The following MAST2 variants were observed in gnomAD, a reference collection of about 807,000 sequenced individuals.
MAST2 encodes the protein microtubule associated serine/threonine kinase 2.
MAST2 carries 70 observed loss-of-function variants against 147.4 expected under a neutral mutation model. The observed-to-expected ratio is 0.47, with a 90% confidence interval of 0.39 to 0.58. MAST2 has a LOEUF of 0.58. Ranked by LOEUF, MAST2 falls within the 20% of genes least tolerant of loss-of-function variation. The probability of loss-of-function intolerance (pLI) is 0.00; values close to 1 mark genes in which losing one functional copy is unlikely to be tolerated. For missense variants in MAST2, 2,080 were observed against 2,302.3 expected (o/e 0.90, Z 1.98); for synonymous variants, 869 against 896.8 (o/e 0.97, Z 0.55).
At position 45,959,289 on chromosome 1, in the gene MAST2, G is replaced by A. The variant is rs541643416; in HGVS notation, c.501-97G>A. 93 of 860,866 alleles carry A rather than the reference G, an allele frequency of 1.1e-4. 2 individuals are homozygous for A. Among genetic ancestry groups the A allele is most frequent in the African/African-American group, 8.9e-4 (54 of 60,388 alleles). 53.3% of individuals were successfully genotyped at this position (860,866 alleles called of 1,614,324 possible). On this transcript the variant is annotated intron_variant, in intron 4 of 28. Transcript: ENST00000361297. Reference sequence around the variant, plus strand: ...TTTAAAGAAGTATACTGTGCGGCCCGTGGAATGGTGTCCCTCTTTAGTTCC... The same window carrying A: ...TTTAAAGAAGTATACTGTGCGGCCCATGGAATGGTGTCCCTCTTTAGTTCC...
intron 3 of MAST2, among the ~76,000 whole-genome samples, chr1:45,830,341 G>C (rs189218948): frequency 6.6e-6 from 1 of 150,530 alleles, no homozygotes; most frequent in Non-Finnish European, 1.5e-5. Flanking sequence ...TACCCCGCTA[G>C]TTTTTGTGTT....
chr1:45,944,560 T>C (rs1004139341), intron 4 of MAST2, among the ~76,000 whole-genome samples: 4 of 152,226 alleles, frequency 2.6e-5, no homozygotes, highest in African/African-American at 9.6e-5. Context: ...CAATCATTTA[T>C]TCACCCCAAA....
chr1:45,949,751 A>G (rs1315850854), intron 4 of MAST2, among the ~76,000 whole-genome samples: 3 of 152,232 alleles, frequency 2.0e-5, no homozygotes, highest in Non-Finnish European at 4.4e-5. Flanking sequence ...TCATTCTGCC[A>G]TAAAGACACA....
At chr1:45,901,651 GA>G (rs1449554312) in intron 4 of MAST2, among the ~76,000 whole-genome samples, 1 of 152,034 alleles carries the variant, frequency 6.6e-6, no homozygotes, top group Non-Finnish European at 1.5e-5. Context: ...TGTTGTCTGT[GA>G]TTTCTTTCAT....
intron 3 of MAST2, among the ~76,000 whole-genome samples, chr1:45,835,866 T>C (rs1645087629): frequency 6.6e-6 from 1 of 152,220 alleles, no homozygotes; most frequent in Non-Finnish European, 1.5e-5. Context: ...ATATGTGCCC[T>C]TTTGTGCCTG....
At chr1:45,816,483 C>T (rs984090429) in intron 1 of MAST2, among the ~76,000 whole-genome samples, 6 of 152,076 alleles carry the variant, frequency 3.9e-5, no homozygotes, top group Admixed American at 6.6e-5. Flanking sequence ...TCAAAATACC[C>T]ATTTTGAGGA....
chr1:46,033,512 A>C (rs565509701), intron 26 of MAST2, among the ~76,000 whole-genome samples: 1 of 151,964 alleles, frequency 6.6e-6, no homozygotes, highest in African/African-American at 2.4e-5. Context: ...TCCACAAGGC[A>C]GTACCCTCCC....
rs59944185 is a variant in MAST2 at position 45,883,912 on chromosome 1, G to GCCTCCCCCCCCCCC, written c.500+1519_500+1520insTCCCCCCCCCCCCC. On this transcript the variant is annotated intron_variant, in intron 4 of 28. Coordinates refer to ENST00000361297, the MANE Select transcript of MAST2 (RefSeq NM_015112.3). ...ACTTGGTCATTTTTCTACTATTTCT[G>GCCTCCCCCCCCCCC]CCCCCCCCGCTTTTTTTTGGTTGCT... 4.8e-3 allele frequency among the ~76,000 whole-genome samples: 12 copies of GCCTCCCCCCCCCCC among 2,506 alleles called. 4 individuals are homozygous for GCCTCCCCCCCCCCC. Among genetic ancestry groups the GCCTCCCCCCCCCCC allele is most frequent in the Admixed American group, 0.047 (3 of 64 alleles). The allele number at this position is 2,506 out of a possible 152,430, so 1.6% of individuals were successfully genotyped here. A position where few individuals can be genotyped will look rare whatever the true frequency, so the allele number is the denominator to read the frequency against.
chr1:46,019,177 T>C (rs1013183314), intron 10 of MAST2, among the ~76,000 whole-genome samples: 4 of 152,152 alleles, frequency 2.6e-5, no homozygotes, highest in African/African-American at 9.6e-5. Flanking sequence ...GTGTACTCTC[T>C]ACACTGCAGC....
At chr1:45,806,792 G>C (rs1245275964) in intron 1 of MAST2, among the ~76,000 whole-genome samples, 1 of 152,196 alleles carries the variant, frequency 6.6e-6, no homozygotes, top group Non-Finnish European at 1.5e-5. Flanking sequence ...GGCCAGGCTA[G>C]TCACGAGCTC....
chr1:45,884,786 T>C lies in MAST2; in HGVS notation c.500+2391T>C, dbSNP rs188148924. ...AAGCAAGGAAACATGGGTACTAATATAGGCTTTGCCACTAACAAATTATGT... is the reference window on the plus strand; with the variant it reads ...AAGCAAGGAAACATGGGTACTAATACAGGCTTTGCCACTAACAAATTATGT... On this transcript the variant is annotated intron_variant, in intron 4 of 28. Transcript: ENST00000361297. Among the ~76,000 whole-genome samples, 444 of 152,294 alleles carry C rather than the reference T, an allele frequency of 2.9e-3. 4 individuals carry two copies. Among genetic ancestry groups the C allele is most frequent in the Non-Finnish European group, 5.6e-4 (38 of 68,032 alleles).
chr1:45,926,731 G>A (rs976884447), intron 4 of MAST2, among the ~76,000 whole-genome samples: 2 of 152,128 alleles, frequency 1.3e-5, no homozygotes, highest in South Asian at 2.1e-4. Context: ...TGTTAGAGTA[G>A]GGAAGGTTTT....
intron 5 of MAST2, among the ~76,000 whole-genome samples, chr1:45,963,258 G>A (rs1237968525): frequency 1.3e-5 from 2 of 152,118 alleles, no homozygotes; most frequent in East Asian, 3.8e-4. Context: ...CTCTTTTTTG[G>A]TTCCATATGA....
intron 10 of MAST2, among the ~76,000 whole-genome samples, chr1:46,014,313 T>C (rs1645840886): frequency 6.9e-6 from 1 of 144,372 alleles, no homozygotes; most frequent in South Asian, 2.4e-4. Flanking sequence ...CTCCTAATGC[T>C]ATCCCTCCCC....
At chr1:45,951,058 AT>A (rs879342765) in intron 4 of MAST2, among the ~76,000 whole-genome samples, 122 of 146,038 alleles carry the variant, frequency 8.4e-4, no homozygotes, top group East Asian at 8.0e-4. Context: ...TCTCTACTAA[AT>A]TTTTTTTTTT....
At chr1:45,865,818 G>C (rs1050009986) in intron 3 of MAST2, among the ~76,000 whole-genome samples, 2 of 152,084 alleles carry the variant, frequency 1.3e-5, no homozygotes, top group Non-Finnish European at 2.9e-5. Context: ...TTTTTTTCAT[G>C]CTTTGTAGAT....
At chr1:45,895,676 A>G (rs1008814204) in intron 4 of MAST2, among the ~76,000 whole-genome samples, 1 of 152,228 alleles carries the variant, frequency 6.6e-6, no homozygotes, top group Non-Finnish European at 1.5e-5. Context: ...AAAAGTAAAA[A>G]CAAAAAATCA....
At chr1:45,970,815 T>TTTC (rs71062730) in intron 5 of MAST2, among the ~76,000 whole-genome samples, 1 of 151,006 alleles carries the variant, frequency 6.6e-6, no homozygotes, top group African/African-American at 2.4e-5. Flanking sequence ...TTTTTTTTTT[T>TTTC]CTCCTCCAGT....
At chr1:45,909,112 A>T (rs57341607) in intron 4 of MAST2, among the ~76,000 whole-genome samples, 1 of 152,168 alleles carries the variant, frequency 6.6e-6, no homozygotes, top group East Asian at 1.9e-4. Context: ...GTAAAGCTAT[A>T]AAATTCTCAT....
Sources: gnomAD v4.1 joint callset for allele counts (sites outside exome capture counted in the v4.1 genomes callset) on GRCh38, gnomAD v4.1.1 for gene constraint, MANE v1.5 for transcripts, NCBI Gene and HGNC (gene_info 2026-07-23, HGNC 2026-07-21) for gene names.